TRPC4AP: variants seen among roughly 807,000 people sequenced by gnomAD.
TRPC4AP encodes the protein short transient receptor potential channel 4-associated protein.
TRPC4AP carries 45 observed loss-of-function variants against 99.0 expected under a neutral mutation model. That is an observed-to-expected ratio of 0.45 (90% CI 0.36 to 0.58). The LOEUF is 0.58. Ranked by LOEUF, TRPC4AP falls within the 20% of genes least tolerant of loss-of-function variation. TRPC4AP has a pLI of 0.00. For synonymous variants in TRPC4AP, 408 were observed against 385.8 expected, an observed-to-expected ratio of 1.06 and a Z score of -0.67; for missense variants, 879 against 985.3, an observed-to-expected ratio of 0.89 and a Z score of 1.44.
intron 8 of TRPC4AP, among the ~76,000 whole-genome samples, chr20:35,032,681 C>G (rs1328507256): frequency 2.0e-5 from 3 of 150,034 alleles, no homozygotes; most frequent in Admixed American, 1.3e-4. Context: ...ACCGTCTTAG[C>G]CAGGATAGTC....
intron 5 of TRPC4AP, among the ~76,000 whole-genome samples, chr20:35,051,033 TACACACACACACACACAC>T (rs34091819): frequency 4.1e-5 from 6 of 144,996 alleles, no homozygotes; most frequent in African/African-American, 1.5e-4. Context: ...TGCTATAGCT[TACACACACACACACACAC>T]ACACACACAC....
intron 8 of TRPC4AP, among the ~76,000 whole-genome samples, chr20:35,032,082 G>A (rs1441662510): frequency 6.6e-6 from 1 of 152,090 alleles, no homozygotes; most frequent in Non-Finnish European, 1.5e-5. Flanking sequence ...TAGAGATGGG[G>A]TTTCGCCATG....
intron 2 of TRPC4AP, among the ~76,000 whole-genome samples, chr20:35,073,158 G>C (rs1367487141): frequency 2.0e-5 from 3 of 152,200 alleles, no homozygotes; most frequent in Non-Finnish European, 2.9e-5. Flanking sequence ...CTGCTCATCA[G>C]TTTAAGAGGA....
intron 5 of TRPC4AP, among the ~76,000 whole-genome samples, chr20:35,054,076 T>G (rs2083766515): frequency 6.6e-6 from 1 of 152,216 alleles, no homozygotes; most frequent in Non-Finnish European, 1.5e-5. Context: ...CCCACCTTTA[T>G]CTTCTTCTTT....
intron 8 of TRPC4AP, among the ~76,000 whole-genome samples, chr20:35,027,533 A>G (rs1286654770): frequency 5.3e-5 from 8 of 152,184 alleles, no homozygotes; most frequent in Non-Finnish European, 1.0e-4. Context: ...TATGACCTCA[A>G]AGAGTAAGTT....
chr20:35,004,418 A>T, intron 17 of TRPC4AP, 40 bp downstream of exon 17: 1 of 1,564,878 alleles, frequency 6.4e-7, no homozygotes, highest in Non-Finnish European at 8.7e-7. Flanking sequence ...AGTGGTTTCC[A>T]ATCGACCTTC....
intron 11 of TRPC4AP, among the ~76,000 whole-genome samples, chr20:35,012,537 T>A (rs2082661473): frequency 6.6e-6 from 1 of 152,212 alleles, no homozygotes; most frequent in Non-Finnish European, 1.5e-5. Context: ...TTGTACATTC[T>A]CCATCGAAGG....
chr20:35,049,796 T>A (rs1269510243), intron 6 of TRPC4AP, 70 bp downstream of exon 6: 1 of 1,509,396 alleles, frequency 6.6e-7, no homozygotes, highest in African/African-American at 1.4e-5. Flanking sequence ...CTCTGTATAT[T>A]ATTCAGTTTT....
chr20:35,048,648 G>C (rs1489458298), intron 6 of TRPC4AP, among the ~76,000 whole-genome samples: 1 of 152,186 alleles, frequency 6.6e-6, no homozygotes, highest in Non-Finnish European at 1.5e-5. Flanking sequence ...ACTGCACCAA[G>C]ATACCCATAA....
chr20:35,034,976 T>G, intron 8 of TRPC4AP, 147 bp downstream of exon 8: 1 of 786,046 alleles, frequency 1.3e-6, no homozygotes, highest in South Asian at 2.4e-5. Context: ...GTCAAAAGAG[T>G]CTTAATAGTC....
chr20:35,053,750 CAT>C (rs1465781555), intron 5 of TRPC4AP, among the ~76,000 whole-genome samples: 4 of 152,170 alleles, frequency 2.6e-5, no homozygotes, highest in Non-Finnish European at 5.9e-5. Context: ...ATACTGATTA[CAT>C]GTTAGAATGA....
intron 3 of TRPC4AP, among the ~76,000 whole-genome samples, chr20:35,063,485 T>C (rs947110379): frequency 1.3e-5 from 2 of 152,178 alleles, no homozygotes; most frequent in African/African-American, 2.4e-5. Flanking sequence ...TTTGGCGTGA[T>C]AAAAATGTTC....
chr20:35,090,625 C>T (rs1354383714), intron 1 of TRPC4AP, among the ~76,000 whole-genome samples: 1 of 152,126 alleles, frequency 6.6e-6, no homozygotes, highest in East Asian at 1.9e-4. Context: ...CCACCCGCCT[C>T]GACCTCCCAA....
At chr20:35,077,541 C>A (rs540566676) in intron 2 of TRPC4AP, among the ~76,000 whole-genome samples, 1 of 152,286 alleles carries the variant, frequency 6.6e-6, no homozygotes, top group South Asian at 2.1e-4. Flanking sequence ...TTTTAACACG[C>A]TCTTCAGGTG....
chr20:35,028,704 T>A (rs1284982842), intron 8 of TRPC4AP, among the ~76,000 whole-genome samples: 2 of 152,300 alleles, frequency 1.3e-5, no homozygotes, highest in Non-Finnish European at 2.9e-5. Context: ...TACAGTGTTA[T>A]TTAAGTCTTC....
intron 11 of TRPC4AP, among the ~76,000 whole-genome samples, chr20:35,012,707 A>T (rs1016811841): frequency 6.6e-6 from 1 of 152,164 alleles, no homozygotes; most frequent in Admixed American, 6.5e-5. Context: ...CTTGCTTTAG[A>T]GGGGCAGTAG....
intron 4 of TRPC4AP, among the ~76,000 whole-genome samples, chr20:35,057,204 A>G (rs1356812221): frequency 6.6e-6 from 1 of 152,220 alleles, no homozygotes; most frequent in Non-Finnish European, 1.5e-5. Context: ...AAAATAAAAC[A>G]GAGTGATCTT....
intron 9 of TRPC4AP, among the ~76,000 whole-genome samples, chr20:35,018,909 C>A (rs893703347): frequency 6.6e-6 from 1 of 152,038 alleles, no homozygotes; most frequent in Non-Finnish European, 1.5e-5. Flanking sequence ...CGATGGGGGA[C>A]GATGGAGCTG....
At chr20:35,007,915 C>T (rs1045016626) in intron 13 of TRPC4AP, among the ~76,000 whole-genome samples, 10 of 152,268 alleles carry the variant, frequency 6.6e-5, no homozygotes, top group African/African-American at 2.2e-4. Flanking sequence ...CTGGCTCCTG[C>T]GAGCCCCCGT....
Sources: gnomAD v4.1 joint callset for allele counts (sites outside exome capture counted in the v4.1 genomes callset) on GRCh38, gnomAD v4.1.1 for gene constraint, MANE v1.5 for transcripts, NCBI Gene and HGNC (gene_info 2026-07-23, HGNC 2026-07-21) for gene names.